The following ZNF345 variants were observed in gnomAD, a reference collection of about 807,000 sequenced individuals.
ZNF345 encodes zinc finger protein 345.
For synonymous variants in ZNF345, 166 were observed against 187.9 expected, an observed-to-expected ratio of 0.88 and a Z score of 0.95; for missense variants, 527 against 589.9, an observed-to-expected ratio of 0.89 and a Z score of 1.10.
At chr19:36,884,871 A>G (rs1048072696) in intron 3 of ZNF345, among the ~76,000 whole-genome samples, 3 of 152,156 alleles carry the variant, frequency 2.0e-5, no homozygotes, top group African/African-American at 4.8e-5. Context: ...ATTTATCACT[A>G]TACAGGAATA....
chr19:36,872,056 C>T (rs539999927), intron 2 of ZNF345, among the ~76,000 whole-genome samples: 34 of 152,236 alleles, frequency 2.2e-4, no homozygotes. Flanking sequence ...CATGAGTCAC[C>T]ATGCCCGGCC....
chr19:36,877,934 A>G lies in ZNF345; in HGVS notation c.1104A>G (p.Lys368=), dbSNP rs2072923830. ...ATCACAGAATTCATACTGGTGAGAA[A>G]CCCTATGAATGTAAGGAATGTGGGA... The part of the protein sequence containing the change: ...TQHHRIHTGE[K]PYECKECGKA... Residue 368 remains lysine, a synonymous_variant, in exon 3 of 3, where the codon AAA becomes AAG. Coordinates refer to ENST00000420450, the MANE Select transcript of ZNF345 (RefSeq NM_001242472.2). The G allele has an allele frequency of 6.2e-7, 1 of 1,614,078 alleles. No individual in the cohort carries two copies. The highest frequency in any genetic ancestry group is 8.5e-7 in the Non-Finnish European group (1 of 1,180,008).
At chr19:36,892,450 G>A (rs1465140027) in intron 3 of ZNF345, 3 of 1,593,056 alleles carry the variant, frequency 1.9e-6, no homozygotes, top group Middle Eastern at 1.7e-4. Flanking sequence ...TAATATTTTG[G>A]TCTCACACAT....
chr19:36,889,550 C>T (rs994621360), intron 3 of ZNF345: 6 of 152,128 alleles, frequency 3.9e-5, no homozygotes, highest in Non-Finnish European at 4.4e-5. Context: ...AATTTATCCA[C>T]TTCCTCTAGG....
intron 2 of ZNF345, among the ~76,000 whole-genome samples, chr19:36,865,518 T>C (rs1441295835): frequency 6.6e-6 from 1 of 152,140 alleles, no homozygotes; most frequent in African/African-American, 2.4e-5. Context: ...TGGAGTGTAG[T>C]AGTTCGATCT....
At chr19:36,861,492 T>C (rs1035884311) in intron 2 of ZNF345, among the ~76,000 whole-genome samples, 3 of 152,230 alleles carry the variant, frequency 2.0e-5, no homozygotes, top group Non-Finnish European at 4.4e-5. Context: ...TAACCTATAC[T>C]GTGGTAAAAA....
intron 2 of ZNF345, among the ~76,000 whole-genome samples, chr19:36,854,240 T>G (rs113950464): frequency 3.4e-5 from 5 of 146,640 alleles, no homozygotes; most frequent in South Asian, 4.2e-4. Context: ...GTTTTGTTTT[T>G]TTTTTTTTTT....
rs755705636 is a variant in ZNF345 at position 36,877,424 on chromosome 19, T to C, written c.594T>C (p.Gly198=). The change falls in exon 3 of 3, where the codon GGT becomes GGC. Residue 198 remains glycine, a synonymous_variant. Transcript: ENST00000420450. ...ALIRHHRIHT[G]EKPYECIDCG... ...TTCGGCATCACAGAATTCACACAGG[T>C]GAGAAACCTTATGAATGTATAGATT... 6.2e-7 allele frequency: 1 copy of C among 1,614,020 alleles called. No individual in the cohort carries two copies. Among genetic ancestry groups the C allele is most frequent in the South Asian group, 1.1e-5 (1 of 91,070 alleles).
chr19:36,892,091 GA>G (rs2073059915), intron 3 of ZNF345: 1 of 1,613,952 alleles, frequency 6.2e-7, no homozygotes, highest in African/African-American at 1.3e-5. Flanking sequence ...TCACCAGTGT[GA>G]ATCCTCTGAT....
At position 36,878,845 on chromosome 19, in the gene ZNF345, G is replaced by GT. The variant is rs986537771; in HGVS notation, c.*553dup. The GT allele has an allele frequency of 6.0e-6, 1 of 166,756 alleles. No homozygotes were observed. Among genetic ancestry groups the GT allele is most frequent in the African/African-American group, 2.4e-5 (1 of 41,186 alleles). 10.3% of individuals were successfully genotyped at this position (166,756 alleles called of 1,614,324 possible). ...TCAGTGTTTTTTTGTTTTTGTTTTT[G>GT]TTTTTGTTTTTTTGAGATGGAGTCT... On this transcript the variant is annotated 3_prime_UTR_variant, in exon 3 of 3. Coordinates refer to ENST00000420450, the MANE Select transcript of ZNF345 (RefSeq NM_001242472.2).
chr19:36,889,180 C>T (rs2073026744), intron 3 of ZNF345: 1 of 152,030 alleles, frequency 6.6e-6, no homozygotes, highest in Non-Finnish European at 1.5e-5. Flanking sequence ...TTTTTATGTA[C>T]TGTTTGATTT....
intron 3 of ZNF345, chr19:36,891,203 G>A (rs2146222029): frequency 3.4e-6 from 1 of 291,452 alleles, no homozygotes; most frequent in Non-Finnish European, 6.3e-6. Context: ...AGGACTGCCA[G>A]CTGTTAACAG....
rs761095816 is a variant in ZNF345 at position 36,877,867 on chromosome 19, A to C, written c.1037A>C (p.Glu346Ala). 26 of 1,613,888 alleles carry C rather than the reference A, an allele frequency of 1.6e-5. No homozygotes were observed. Residue 346 changes from glutamate to alanine, a missense_variant, in exon 3 of 3, where the codon GAA (glutamate) becomes GCA (alanine). Transcript: ENST00000420450. ...GGAGAGAAACCTTATGAATGTAAGG[A>C]ATGTGGGAAGACCTTTAGTAGTGGT... ...HTGEKPYECK[E>A]CGKTFSSGSD...
chr19:36,880,724 A>T (rs1312381371), downstream of ZNF345, among the ~76,000 whole-genome samples: 1 of 152,200 alleles, frequency 6.6e-6, no homozygotes, highest in Non-Finnish European at 1.5e-5. Flanking sequence ...GCCTCAGTGC[A>T]CTATTATTGT....
rs2146210836 is a variant in ZNF345, at chr19:36,879,059, A to T, written c.*762A>T. On this transcript the variant is annotated 3_prime_UTR_variant, in exon 3 of 3. Coordinates refer to ENST00000420450, the MANE Select transcript of ZNF345 (RefSeq NM_001242472.2). ...CACCACGTTGGCCAGGATGGTCTCG[A>T]TCTCTTGACCTCGTGATCCATCTGC... 1 of 165,866 alleles carries T rather than the reference A, an allele frequency of 6.0e-6. No individual in the cohort carries two copies. Among genetic ancestry groups the T allele is most frequent in the Middle Eastern group, 3.4e-3 (1 of 296 alleles). The allele number at this position is 165,866 out of a possible 1,614,324, so 10.3% of individuals were successfully genotyped here.
chr19:36,876,905 G>A lies in ZNF345; in HGVS notation c.75G>A (p.Glu25=). 1 of 1,614,070 alleles carries A rather than the reference G, an allele frequency of 6.2e-7. No homozygotes were observed. Among genetic ancestry groups the A allele is most frequent in the Non-Finnish European group, 8.5e-7 (1 of 1,179,990 alleles). The change falls in exon 3 of 3, where the codon GAG becomes GAA. Residue 25 remains glutamate (E), a synonymous_variant. Transcript: ENST00000420450. ...ATTGGGAATGTAAAAACCAGTTTGA[G>A]AGAAAACAGGGATCTCAGGAAGGAC... is the stretch of plus-strand genomic sequence containing the variant. ...RGDWECKNQF[E]RKQGSQEGHF...
chr19:36,875,615 TG>T (rs2072867814), intron 2 of ZNF345, among the ~76,000 whole-genome samples: 1 of 152,116 alleles, frequency 6.6e-6, no homozygotes, highest in Admixed American at 6.5e-5. Context: ...GGTGCAAAAC[TG>T]GAAATGCAGG....
downstream of ZNF345, among the ~76,000 whole-genome samples, chr19:36,880,617 C>A (rs1402170530): frequency 6.6e-6 from 1 of 151,892 alleles, no homozygotes; most frequent in Non-Finnish European, 1.5e-5. Flanking sequence ...AGCAAGCCCC[C>A]ATCTCTACAA....
intron 3 of ZNF345, chr19:36,889,241 ATTGGC>A (rs2146219209): frequency 6.6e-6 from 1 of 152,144 alleles, no homozygotes; most frequent in African/African-American, 2.4e-5. Context: ...CATCAGGGAT[ATTGGC>A]TTGTAGTTTT....
Sources: allele counts gnomAD v4.1 joint callset (sites outside exome capture counted in the v4.1 genomes callset), GRCh38; gene constraint gnomAD v4.1.1; transcripts MANE v1.5; gene names NCBI Gene and HGNC (gene_info 2026-07-23, HGNC 2026-07-21).